Variants in PBX2 observed in about 807,000 individuals in gnomAD.
PBX2 encodes PBX homeobox 2, also known as pre-B-cell leukemia transcription factor 2.
Under a neutral mutation model 46.5 loss-of-function variants are expected in PBX2, and 10 were observed. The observed-to-expected ratio is 0.21, with a 90% confidence interval of 0.13 to 0.36. The LOEUF (loss-of-function observed/expected upper bound fraction) is 0.36, where lower values mean the gene tolerates loss of function less well. Among genes scored for constraint, PBX2 ranks in the 10% least tolerant of loss-of-function variants. PBX2 has a pLI of 1.00. For synonymous variants in PBX2, 160 were observed against 222.5 expected (o/e 0.72, Z 2.50); for missense variants, 392 against 580.5 (o/e 0.68, Z 3.34).
At position 32,188,025 on chromosome 6, in the gene PBX2, C is replaced by T. The variant is rs755486302; in HGVS notation, c.675G>A (p.Gln225=). 4.4e-6 allele frequency: 7 copies of T among 1,588,072 alleles called. No individual in the cohort carries two copies. Among genetic ancestry groups the T allele is most frequent in the African/African-American group, 1.3e-5 (1 of 74,392 alleles). The change falls in exon 4 of 9, where the codon CAG becomes CAA. Residue 225 remains glutamine, a synonymous_variant. Transcript: ENST00000375050. This position sits in a 1 kb window ranked among gnomAD's most constrained non-coding sequence, Gnocchi z 6.5. ...CAGCCTCGCAGGTGCTCTGCTTCAG[C>T]TGCATCTGGATGGCGCTGAACTTTC... is the stretch of plus-strand genomic sequence containing the variant. The part of the protein sequence containing the change: ...IHRKFSAIQM[Q]LKQSTCEAVM...
rs767284310 is a variant in PBX2, at chr6:32,187,633, A to C, written c.870+14T>G. 1.1e-5 allele frequency: 18 copies of C among 1,584,094 alleles called. No individual in the cohort carries two copies. The Admixed American group carries it at 1.8e-4, about 16-fold the overall frequency. On this transcript the variant is annotated intron_variant, in intron 5 of 8. Transcript: ENST00000375050. The surrounding 1 kb of genome is among the most constrained non-coding windows in gnomAD (Gnocchi z 7.7). ...CACTTTGCCTGACAACTCCTCCCGC[A>C]ACCTCCATAATACCTGAGACACGGT...
Position 32,188,706 on chromosome 6 carries a change from G to C in PBX2, c.295+17C>G, listed in dbSNP as rs199649514. On this transcript the variant is annotated intron_variant, in intron 2 of 8. Transcript: ENST00000375050. The surrounding 1 kb of genome is among the most constrained non-coding windows in gnomAD (Gnocchi z 6.5). ...TTCTGTTCCCAGAGTTGAGCAATCC[G>C]GGGGGGGCCCACATACCAGTTTTCT... 8.2e-6 allele frequency: 13 copies of C among 1,590,368 alleles called. No individual in the cohort carries two copies. The highest frequency in any genetic ancestry group is 1.4e-5 in the African/African-American group (1 of 71,358).
Position 32,188,683 on chromosome 6 carries a change from C to G in PBX2, c.295+40G>C, listed in dbSNP as rs1368908025. 6.2e-7 allele frequency: 1 copy of G among 1,604,102 alleles called. No homozygotes were observed. The highest frequency in any genetic ancestry group is 2.2e-5 in the East Asian group (1 of 44,794). ...CTCTAGCCCTATAATGAACAGGGTT[C>G]TGTTCCCAGAGTTGAGCAATCCGGG... On this transcript the variant is annotated intron_variant, in intron 2 of 8. Transcript: ENST00000375050. The surrounding 1 kb of genome is among the most constrained non-coding windows in gnomAD (Gnocchi z 6.5).
rs999 is a variant in PBX2 at position 32,186,109 on chromosome 6, C to G, written c.*273G>C. 2.1e-6 allele frequency: 1 copy of G among 480,062 alleles called. No individual in the cohort carries two copies. Among genetic ancestry groups the G allele is most frequent in the Non-Finnish European group, 3.7e-6 (1 of 270,172 alleles). 29.7% of individuals were successfully genotyped at this position (480,062 alleles called of 1,614,324 possible). ...AAAGGGGTCTGAGAAATAGGTTTCTCGGTATGTGTATGTTTCTGTGTAAGA... is the reference window on the plus strand; with the variant it reads ...AAAGGGGTCTGAGAAATAGGTTTCTGGGTATGTGTATGTTTCTGTGTAAGA... On this transcript the variant is annotated 3_prime_UTR_variant, in exon 9 of 9. Transcript: ENST00000375050. This position sits in a 1 kb window ranked among gnomAD's most constrained non-coding sequence, Gnocchi z 4.2.
At position 32,185,627 on chromosome 6, in the gene PBX2, CACCAACAACAACAAA is replaced by C. The variant is rs1787027521; in HGVS notation, c.*740_*754del. On this transcript the variant is annotated 3_prime_UTR_variant, in exon 9 of 9. Coordinates refer to ENST00000375050, the MANE Select transcript of PBX2 (RefSeq NM_002586.5). ...AATTAAGAACCACCACCACCACCAC[CACCAACAACAACAAA>C]AACAACAACAACAACAAAAAAAACA... 2.0e-5 allele frequency: 3 copies of C among 150,812 alleles called. No homozygotes were observed. The highest frequency in any genetic ancestry group is 7.4e-5 in the African/African-American group (3 of 40,564). The allele number at this position is 150,812 out of a possible 1,614,324, so 9.3% of individuals were successfully genotyped here. A position where few individuals can be genotyped will look rare whatever the true frequency, so the allele number is the denominator to read the frequency against.
rs114025084 is a variant in PBX2, at chr6:32,186,792, G to A, written c.1113+21C>T. Reference sequence around the variant, plus strand: ...AATGGAGTTGGGGAAAGCCCTATTCGAGAGGAGATGGGCATCTGACCTGGG... The same window carrying A: ...AATGGAGTTGGGGAAAGCCCTATTCAAGAGGAGATGGGCATCTGACCTGGG... On this transcript the variant is annotated intron_variant, in intron 7 of 8. Coordinates refer to ENST00000375050, the MANE Select transcript of PBX2 (RefSeq NM_002586.5). This position sits in a 1 kb window ranked among gnomAD's most constrained non-coding sequence, Gnocchi z 4.2. The A allele has an allele frequency of 1.3e-5, 21 of 1,608,384 alleles. No individual in the cohort carries two copies. The highest frequency in any genetic ancestry group is 5.4e-5 in the African/African-American group (4 of 74,766).
rs1787215205 is a variant in PBX2 at position 32,187,926 on chromosome 6, A to T, written c.734+40T>A. On this transcript the variant is annotated intron_variant, in intron 4 of 8. Transcript: ENST00000375050. The surrounding 1 kb of genome is among the most constrained non-coding windows in gnomAD (Gnocchi z 7.7). ...AGGGTCTTGGAGAGGAATGGGAAGG[A>T]GCCCAGTGCTGGGGGCCAGCCTGGG... 6 of 1,519,390 alleles carry T rather than the reference A, an allele frequency of 3.9e-6. No homozygotes were observed. Among genetic ancestry groups the T allele is most frequent in the Non-Finnish European group, 4.4e-6 (5 of 1,128,954 alleles). The allele number at this position is 1,519,390 out of a possible 1,614,324, so 94.1% of individuals were successfully genotyped here. A position where few individuals can be genotyped will look rare whatever the true frequency, so the allele number is the denominator to read the frequency against.
chr6:32,188,581 G>A lies in PBX2; in HGVS notation c.296-77C>T. The A allele has an allele frequency of 1.3e-6, 2 of 1,580,732 alleles. No individual in the cohort carries two copies. The highest frequency in any genetic ancestry group is 1.4e-5 in the African/African-American group (1 of 73,800). On this transcript the variant is annotated intron_variant, in intron 2 of 8. Coordinates refer to ENST00000375050, the MANE Select transcript of PBX2 (RefSeq NM_002586.5). This position sits in a 1 kb window ranked among gnomAD's most constrained non-coding sequence, Gnocchi z 6.5. Reference sequence around the variant, plus strand: ...CTCAGTCCTCCTGGTGCTTCCTGGAGAGCCAAGTTCCCAGGCTTTGGTTCC... The same window carrying A: ...CTCAGTCCTCCTGGTGCTTCCTGGAAAGCCAAGTTCCCAGGCTTTGGTTCC...
chr6:32,187,128 C>T lies in PBX2; in HGVS notation c.1024+114G>A, dbSNP rs532152741. 8.4e-5 allele frequency: 111 copies of T among 1,324,362 alleles called. No homozygotes were observed. The highest frequency in any genetic ancestry group is 1.1e-4 in the Non-Finnish European group (100 of 950,066). 82.0% of individuals were successfully genotyped at this position (1,324,362 alleles called of 1,614,324 possible). ...CTGACATCTCCAGCCTATCTCAGCT[C>T]GGTCCCTCTCACCCCAAAAGGCCCC... On this transcript the variant is annotated intron_variant, in intron 6 of 8. Transcript: ENST00000375050. The surrounding 1 kb of genome is among the most constrained non-coding windows in gnomAD (Gnocchi z 7.7).
In PBX2 at chr6:32,188,729, T is replaced by C. The variant is rs968228746; in HGVS notation, c.289A>G (p.Lys97Glu). The C allele has an allele frequency of 6.2e-7, 1 of 1,612,910 alleles. No individual in the cohort carries two copies. Among genetic ancestry groups the C allele is most frequent in the Non-Finnish European group, 8.5e-7 (1 of 1,179,962 alleles). ...CCGGGGGGGGCCCACATACCAGTTT[T>C]CTCCTTGATTTCACACAGGACGCTA... The part of the protein sequence containing the change: ...LFSVLCEIKE[K>E]TGLSIRSSQE... The change falls in exon 2 of 9, where the codon AAA (lysine) becomes GAA (glutamate). Residue 97 changes from lysine (K) to glutamate (E), a missense_variant. Lys to Glu is a moderately conservative substitution (Grantham distance 56). Transcript: ENST00000375050. The surrounding 1 kb of genome is among the most constrained non-coding windows in gnomAD (Gnocchi z 6.5).
At position 32,185,689 on chromosome 6, in the gene PBX2, T is replaced by C. The variant is rs1787047194; in HGVS notation, c.*693A>G. On this transcript the variant is annotated 3_prime_UTR_variant, in exon 9 of 9. Coordinates refer to ENST00000375050, the MANE Select transcript of PBX2 (RefSeq NM_002586.5). The stretch of plus-strand genomic sequence containing the variant: ...AACAGATGGATCCCAGGGTTTCTTT[T>C]TCTTTCTTTAAAAAAAAAAAAGTTC... 2 of 147,348 alleles carry C rather than the reference T, an allele frequency of 1.4e-5. No homozygotes were observed. The highest frequency in any genetic ancestry group is 4.3e-4 in the South Asian group (2 of 4,640). 9.1% of individuals were successfully genotyped at this position (147,348 alleles called of 1,614,324 possible). A position where few individuals can be genotyped will look rare whatever the true frequency, so the allele number is the denominator to read the frequency against.
Position 32,187,900 on chromosome 6 carries a change from C to T in PBX2, c.734+66G>A. 6.5e-7 allele frequency: 1 copy of T among 1,528,568 alleles called. No homozygotes were observed. The highest frequency in any genetic ancestry group is 8.8e-7 in the Non-Finnish European group (1 of 1,132,702). 94.7% of individuals were successfully genotyped at this position (1,528,568 alleles called of 1,614,324 possible). On this transcript the variant is annotated intron_variant, in intron 4 of 8. Coordinates refer to ENST00000375050, the MANE Select transcript of PBX2 (RefSeq NM_002586.5). The surrounding 1 kb of genome is among the most constrained non-coding windows in gnomAD (Gnocchi z 7.7). The stretch of plus-strand genomic sequence containing the variant: ...TACCATGTTGTGCAGCATGGCAGCT[C>T]AGGGTCTTGGAGAGGAATGGGAAGG...
rs1787309424 is a variant in PBX2 at position 32,189,597 on chromosome 6, GGA to G, written c.221+96_221+97del. 2.3e-6 allele frequency: 2 copies of G among 861,320 alleles called. No homozygotes were observed. Among genetic ancestry groups the G allele is most frequent in the Non-Finnish European group, 3.7e-6 (2 of 536,960 alleles). 53.4% of individuals were successfully genotyped at this position (861,320 alleles called of 1,614,324 possible). On this transcript the variant is annotated intron_variant, in intron 1 of 8. Coordinates refer to ENST00000375050, the MANE Select transcript of PBX2 (RefSeq NM_002586.5). This position sits in a 1 kb window ranked among gnomAD's most constrained non-coding sequence, Gnocchi z 4.7. ...GGAGAGAAGAGAGCTGTTGGATCCT[GGA>G]GAGGGCCCTGGAGTTGGGGGGGGCT...
chr6:32,186,798 A>C lies in PBX2; in HGVS notation c.1113+15T>G, dbSNP rs1342807988. The C allele has an allele frequency of 6.2e-7, 1 of 1,612,052 alleles. No homozygotes were observed. ...GTTGGGGAAAGCCCTATTCGAGAGG[A>C]GATGGGCATCTGACCTGGGAAGCAG... On this transcript the variant is annotated intron_variant, in intron 7 of 8. Coordinates refer to ENST00000375050, the MANE Select transcript of PBX2 (RefSeq NM_002586.5). The surrounding 1 kb of genome is among the most constrained non-coding windows in gnomAD (Gnocchi z 4.2).
rs2127449664 is a variant in PBX2 at position 32,189,725 on chromosome 6, G to C, written c.191C>G (p.Thr64Ser). 1.2e-6 allele frequency: 2 copies of C among 1,610,132 alleles called. No individual in the cohort carries two copies. Among genetic ancestry groups the C allele is most frequent in the Middle Eastern group, 3.3e-4 (2 of 6,010 alleles). ...CTGGGCCTCGTCCAGGCTCTGGTCG[G>C]TGATGGTCATTATCTGCTGCAGAAT... The part of the protein sequence containing the change: ...GDILQQIMTI[T>S]DQSLDEAQAK... The change falls in exon 1 of 9, where the codon ACC (threonine) becomes AGC (serine). Residue 64 changes from threonine (T) to serine (S), a missense_variant. Physicochemically the swap from Thr to Ser is moderately conservative, Grantham distance 58 (BLOSUM62 1). Around this residue, in one of 3 missense-constraint regions of PBX2, gnomAD observed 196 missense variants for 246.9 expected, o/e 0.79. Transcript: ENST00000375050. The surrounding 1 kb of genome is among the most constrained non-coding windows in gnomAD (Gnocchi z 4.7).
At position 32,188,905 on chromosome 6, in the gene PBX2, G is replaced by C; in HGVS notation, c.222-109C>G. On this transcript the variant is annotated intron_variant, in intron 1 of 8. Coordinates refer to ENST00000375050, the MANE Select transcript of PBX2 (RefSeq NM_002586.5). This position sits in a 1 kb window ranked among gnomAD's most constrained non-coding sequence, Gnocchi z 6.5. ...GGGTCAGTCTGCGGAGGGAGGAAGCGGATTGGGGGTGGAATGAGTTGGGGG... is the reference window on the plus strand; with the variant it reads ...GGGTCAGTCTGCGGAGGGAGGAAGCCGATTGGGGGTGGAATGAGTTGGGGG... The C allele has an allele frequency of 1.1e-6, 1 of 924,846 alleles. No homozygotes were observed. The allele number at this position is 924,846 out of a possible 1,614,324, so 57.3% of individuals were successfully genotyped here.
At position 32,189,037 on chromosome 6, in the gene PBX2, C is replaced by T; in HGVS notation, c.222-241G>A. Reference sequence around the variant, plus strand: ...CAGGCAGCAGGTTAAAGGCTGCGGGCTTTGGGAGATGGTCTAGAAAGGTAG... The same window carrying T: ...CAGGCAGCAGGTTAAAGGCTGCGGGTTTTGGGAGATGGTCTAGAAAGGTAG... On this transcript the variant is annotated intron_variant, in intron 1 of 8. Transcript: ENST00000375050. The surrounding 1 kb of genome is among the most constrained non-coding windows in gnomAD (Gnocchi z 4.7). The T allele has an allele frequency of 3.7e-6, 2 of 546,650 alleles. No homozygotes were observed. The highest frequency in any genetic ancestry group is 6.6e-6 in the Non-Finnish European group (2 of 304,568). The allele number at this position is 546,650 out of a possible 1,614,324, so 33.9% of individuals were successfully genotyped here.
chr6:32,186,766 A>C lies in PBX2; in HGVS notation c.1113+47T>G, dbSNP rs1787161461. On this transcript the variant is annotated intron_variant, in intron 7 of 8. Transcript: ENST00000375050. The surrounding 1 kb of genome is among the most constrained non-coding windows in gnomAD (Gnocchi z 4.2). ...GAGGTCTTGTATCCTAAAGTAGAGG[A>C]AATGGAGTTGGGGAAAGCCCTATTC... The C allele has an allele frequency of 1.9e-6, 3 of 1,599,800 alleles. No homozygotes were observed. Among genetic ancestry groups the C allele is most frequent in the African/African-American group, 1.3e-5 (1 of 74,574 alleles).
rs1787102642 is a variant in PBX2 at position 32,186,044 on chromosome 6, T to C, written c.*338A>G. The C allele has an allele frequency of 1.3e-5, 4 of 313,042 alleles. No homozygotes were observed. The South Asian group carries it at 1.5e-4, about 12-fold the overall frequency. The allele number at this position is 313,042 out of a possible 1,614,324, so 19.4% of individuals were successfully genotyped here. On this transcript the variant is annotated 3_prime_UTR_variant, in exon 9 of 9. Coordinates refer to ENST00000375050, the MANE Select transcript of PBX2 (RefSeq NM_002586.5). The surrounding 1 kb of genome is among the most constrained non-coding windows in gnomAD (Gnocchi z 4.2). ...ATAGTTGCAAGTGGGAGTATGTGTG[T>C]GTGAGGTGTGGGAGAGGGAGAGAGA... is the stretch of plus-strand genomic sequence containing the variant.
Sources: gnomAD v4.1 joint callset for allele counts on GRCh38, gnomAD v4.1.1 for gene constraint, gnomAD v4.1.1 regional missense constraint, Gnocchi (gnomAD v3.1) non-coding constraint, MANE v1.5 for transcripts, NCBI Gene and HGNC (gene_info 2026-07-23, HGNC 2026-07-21) for gene names.